The following ITSN1 variants were observed in gnomAD, a reference collection of about 807,000 sequenced individuals.
The protein encoded by ITSN1 is intersectin-1.
Under a neutral mutation model 239.8 loss-of-function variants are expected in ITSN1, and 58 were observed. That is an observed-to-expected ratio of 0.24 (90% CI 0.20 to 0.30). The LOEUF (loss-of-function observed/expected upper bound fraction) is 0.30. Among genes scored for constraint, ITSN1 ranks in the 10% least tolerant of loss-of-function variants. The pLI is 1.00. For missense variants in ITSN1, 1,558 were observed against 2,103.3 expected, an observed-to-expected ratio of 0.74 and a Z score of 5.07; for synonymous variants, 780 against 770.8, an observed-to-expected ratio of 1.01 and a Z score of -0.20.
chr21:33,874,156 C>CA (rs778588764), intron 33 of ITSN1, among the ~76,000 whole-genome samples: 2,344 of 28,944 alleles, frequency 0.081, 61 homozygotes, highest in Admixed American at 0.14. Flanking sequence ...AACTCCGTCT[C>CA]AAAAAAAAAA....
chr21:33,730,381 C>T (rs2066096298), intron 4 of ITSN1, among the ~76,000 whole-genome samples: 1 of 137,126 alleles, frequency 7.3e-6, no homozygotes, highest in Admixed American at 7.8e-5. Flanking sequence ...TATAAATGCT[C>T]TCTGTTCTTT....
chr21:33,722,961 AT>A (rs1352470929), intron 4 of ITSN1, among the ~76,000 whole-genome samples: 2 of 152,172 alleles, frequency 1.3e-5, no homozygotes, highest in African/African-American at 4.8e-5. Flanking sequence ...TATCACCCAC[AT>A]TTATTTGAAT....
At chr21:33,887,174 C>T (rs1985928217) in intron 39 of ITSN1, among the ~76,000 whole-genome samples, 1 of 151,612 alleles carries the variant, frequency 6.6e-6, no homozygotes, top group African/African-American at 2.4e-5. Flanking sequence ...CAAAACTTAG[C>T]CAGGCATGGT....
chr21:33,687,352 C>A (rs868062275), intron 1 of ITSN1, among the ~76,000 whole-genome samples: 30 of 128,734 alleles, frequency 2.3e-4, no homozygotes, highest in Admixed American at 1.9e-4. Flanking sequence ...GAGCCAAGAT[C>A]GTGCCATTGC....
At chr21:33,658,050 C>T (rs989553516) in intron 1 of ITSN1, among the ~76,000 whole-genome samples, 11 of 152,228 alleles carry the variant, frequency 7.2e-5, no homozygotes, top group Non-Finnish European at 1.3e-4. Context: ...TATTGTTGAC[C>T]AGAAGCCTTA....
intron 16 of ITSN1, among the ~76,000 whole-genome samples, chr21:33,790,765 C>G (rs541360755): frequency 3.4e-4 from 52 of 152,272 alleles, no homozygotes; most frequent in African/African-American, 1.3e-3. Flanking sequence ...AATGTTGATA[C>G]TTTCAGTGTG....
At chr21:33,812,363 G>A (rs1417028609) in intron 21 of ITSN1, among the ~76,000 whole-genome samples, 1 of 151,914 alleles carries the variant, frequency 6.6e-6, no homozygotes, top group Non-Finnish European at 1.5e-5. Context: ...TATAATTATG[G>A]GCACCTTATT....
intron 1 of ITSN1, among the ~76,000 whole-genome samples, chr21:33,653,087 C>T (rs1018783691): frequency 2.0e-5 from 3 of 151,874 alleles, no homozygotes; most frequent in Non-Finnish European, 2.9e-5. Context: ...CTCTGCCTCC[C>T]GGGTTCAAGT....
At chr21:33,659,531 G>C (rs985547961) in intron 1 of ITSN1, among the ~76,000 whole-genome samples, 2 of 151,976 alleles carry the variant, frequency 1.3e-5, no homozygotes, top group African/African-American at 4.8e-5. Flanking sequence ...ATGAATGGTA[G>C]GACACCCAGT....
At chr21:33,649,163 G>T (rs185109688) in intron 1 of ITSN1, among the ~76,000 whole-genome samples, 2 of 152,320 alleles carry the variant, frequency 1.3e-5, no homozygotes, top group Admixed American at 6.5e-5. Flanking sequence ...ATGTTGGCGA[G>T]TTTGGAGATA....
At chr21:33,847,625 G>A (rs535050564) in intron 29 of ITSN1, among the ~76,000 whole-genome samples, 1 of 152,312 alleles carries the variant, frequency 6.6e-6, no homozygotes, top group African/African-American at 2.4e-5. Flanking sequence ...GGCCTGAGGT[G>A]CAGCTTCAGA....
At chr21:33,861,393 T>TG (rs1405539920) in intron 31 of ITSN1, among the ~76,000 whole-genome samples, 1 of 151,080 alleles carries the variant, frequency 6.6e-6, no homozygotes, top group Non-Finnish European at 1.5e-5. Context: ...TCCTTGTATT[T>TG]GGGGGGTGGG....
rs1193369085 is a variant in ITSN1, at chr21:33,894,360, C to A, written c.*6060C>A. On this transcript the variant is annotated 3_prime_UTR_variant, in exon 40 of 40. Transcript: ENST00000381318. ...TTTTTCTGACACTATGTGTGCTTGTCAAATTTCAGGGTCAGTTTCCCCTTA... is the reference window on the plus strand; with the variant it reads ...TTTTTCTGACACTATGTGTGCTTGTAAAATTTCAGGGTCAGTTTCCCCTTA... 2 of 152,110 alleles carry A rather than the reference C, an allele frequency of 1.3e-5. No individual in the cohort carries two copies. The highest frequency in any genetic ancestry group is 2.9e-5 in the Non-Finnish European group (2 of 68,026). 9.4% of individuals were successfully genotyped at this position (152,110 alleles called of 1,614,324 possible). A position where few individuals can be genotyped will look rare whatever the true frequency, so the allele number is the denominator to read the frequency against.
rs1217052111 is a variant in ITSN1 at position 33,828,594 on chromosome 21, C to T, written c.3230-1030C>T. On this transcript the variant is annotated intron_variant, in intron 26 of 39. Coordinates refer to ENST00000381318, the MANE Select transcript of ITSN1 (RefSeq NM_003024.3). ...TCAGAACATGAGACCTTTTTGCGTT[C>T]TTCCTTTCCATTCTTCTTTACTTCA... Among the ~76,000 whole-genome samples, 3 of 152,230 alleles carry T rather than the reference C, an allele frequency of 2.0e-5. No individual in the cohort carries two copies. The East Asian group carries it at 5.8e-4, about 29-fold the overall frequency.
intron 1 of ITSN1, among the ~76,000 whole-genome samples, chr21:33,703,748 C>A (rs1052085394): frequency 3.3e-5 from 5 of 152,084 alleles, no homozygotes; most frequent in Non-Finnish European, 5.9e-5. Flanking sequence ...TCTAAATTTC[C>A]CACAATTGTC....
chr21:33,701,630 T>TA (rs371072153), intron 1 of ITSN1, among the ~76,000 whole-genome samples: 5,100 of 140,978 alleles, frequency 0.036, 117 homozygotes, highest in African/African-American at 0.062. Flanking sequence ...CTGTGTCTGT[T>TA]AAAAAAAAAA....
At chr21:33,767,160 C>T (rs1041478714) in intron 10 of ITSN1, among the ~76,000 whole-genome samples, 3 of 151,896 alleles carry the variant, frequency 2.0e-5, no homozygotes, top group Admixed American at 2.0e-4. Flanking sequence ...AAGAGTGAGA[C>T]TTTGTCTCAA....
chr21:33,742,079 T>G (rs1024285454), intron 5 of ITSN1, among the ~76,000 whole-genome samples: 1 of 144,134 alleles, frequency 6.9e-6, no homozygotes, highest in Non-Finnish European at 1.5e-5. Flanking sequence ...TTTTTTGAGG[T>G]GGAGTCTTGC....
chr21:33,738,691 C>T (rs1248872944), intron 5 of ITSN1, among the ~76,000 whole-genome samples: 1 of 152,188 alleles, frequency 6.6e-6, no homozygotes, highest in Admixed American at 6.5e-5. Flanking sequence ...TGAGCCACCG[C>T]ACCCGGATGG....
Sources: allele counts gnomAD v4.1 joint callset (sites outside exome capture counted in the v4.1 genomes callset), GRCh38; gene constraint gnomAD v4.1.1; transcripts MANE v1.5; gene names NCBI Gene and HGNC (gene_info 2026-07-23, HGNC 2026-07-21).